The following EMP1 variants were observed in gnomAD, a reference collection of about 807,000 sequenced individuals.
The protein encoded by EMP1 is tumor-associated membrane protein.
In EMP1, 5 loss-of-function variants were observed where a neutral mutation model predicts 15.7. The ratio of observed to expected loss-of-function variants is 0.32; its 90% CI spans 0.17 to 0.67. The LOEUF (loss-of-function observed/expected upper bound fraction) is 0.67. EMP1 is among the 30% of genes least tolerant of loss of function. The pLI, the probability that EMP1 is intolerant of heterozygous loss-of-function variation, is 0.74. For synonymous variants in EMP1, 78 were observed against 76.7 expected, an observed-to-expected ratio of 1.02 and a Z score of -0.09; for missense variants, 166 against 194.2, an observed-to-expected ratio of 0.85 and a Z score of 0.86.
intron 1 of EMP1, among the ~76,000 whole-genome samples, chr12:13,208,382 G>A (rs10845715): frequency 0.26 from 39,747 of 152,016 alleles, 5,427 homozygotes; most frequent in Non-Finnish European, 0.31. Context: ...CTCAGTGATC[G>A]CCTCCTCCCA....
At position 13,216,159 on chromosome 12, in the gene EMP1, A is replaced by T. The variant is rs1041015186; in HGVS notation, c.*1468A>T. The T allele has an allele frequency of 2.0e-6, 1 of 500,046 alleles. No homozygotes were observed. The highest frequency in any genetic ancestry group is 3.6e-6 in the Non-Finnish European group (1 of 280,874). The allele number at this position is 500,046 out of a possible 1,614,324, so 31.0% of individuals were successfully genotyped here. ...TTAAGCCATCTCAGATTCTGTCTAA[A>T]GGGGTTTTTTGGGAAGACGTTTTCT... On this transcript the variant is annotated 3_prime_UTR_variant, in exon 5 of 5. Transcript: ENST00000256951.
intron 1 of EMP1, among the ~76,000 whole-genome samples, chr12:13,205,673 A>T (rs1591707206): frequency 6.6e-6 from 1 of 152,196 alleles, no homozygotes; most frequent in Non-Finnish European, 1.5e-5. Context: ...CCCTTCAGGG[A>T]CTTAAAATCT....
chr12:13,204,474 T>C (rs1363577882), intron 1 of EMP1, among the ~76,000 whole-genome samples: 1 of 152,196 alleles, frequency 6.6e-6, no homozygotes, highest in East Asian at 1.9e-4. Context: ...GCATCCATTT[T>C]GCCAACCAAA....
Position 13,214,249 on chromosome 12 carries a change from G to A in EMP1, c.317-285G>A, listed in dbSNP as rs557237467. 2.0e-4 allele frequency: 120 copies of A among 594,810 alleles called. No individual in the cohort carries two copies. In the African/African-American group the frequency reaches 2.1e-3, roughly 11 times the overall value. The allele number at this position is 594,810 out of a possible 1,614,324, so 36.8% of individuals were successfully genotyped here. On this transcript the variant is annotated intron_variant, in intron 4 of 4. Coordinates refer to ENST00000256951, the MANE Select transcript of EMP1 (RefSeq NM_001423.3). Reference sequence around the variant, plus strand: ...CTGAGTAGCTTTCCTAGACCCACAAGGGCCAGACAGGACAGCTGGGTGGTA... The same window carrying A: ...CTGAGTAGCTTTCCTAGACCCACAAAGGCCAGACAGGACAGCTGGGTGGTA...
At chr12:13,204,516 C>G (rs1442767944) in intron 1 of EMP1, among the ~76,000 whole-genome samples, 2 of 152,180 alleles carry the variant, frequency 1.3e-5, no homozygotes, top group South Asian at 2.1e-4. Context: ...CACATCAAAA[C>G]CAAACCAACA....
At chr12:13,210,717 T>C (rs926099357) in intron 1 of EMP1, among the ~76,000 whole-genome samples, 3 of 152,226 alleles carry the variant, frequency 2.0e-5, no homozygotes, top group African/African-American at 7.2e-5. Context: ...CATTGAGCTG[T>C]GGAAAATATG....
At chr12:13,199,964 C>CTTTTTT (rs60389913) in intron 1 of EMP1, among the ~76,000 whole-genome samples, 34 of 107,566 alleles carry the variant, frequency 3.2e-4, no homozygotes, top group Middle Eastern at 4.9e-3. Flanking sequence ...TCTTCTTCTT[C>CTTTTTT]TTTTTTTTTT....
chr12:13,213,834 TG>T lies in EMP1; in HGVS notation c.316+16del. On this transcript the variant is annotated intron_variant, in intron 4 of 4. Transcript: ENST00000256951. ...ACACTGGTGTGCTGTGAGTATCTCA[TG>T]GGTAGACTCCAGTTTACACTTTTAA... 1 of 1,613,330 alleles carries T rather than the reference TG, an allele frequency of 6.2e-7. No individual in the cohort carries two copies. The highest frequency in any genetic ancestry group is 8.5e-7 in the Non-Finnish European group (1 of 1,180,020).
intron 1 of EMP1, 89 bp downstream of exon 1, chr12:13,196,961 T>C (rs1050511974): frequency 6.6e-6 from 1 of 152,294 alleles, no homozygotes; most frequent in Non-Finnish European, 1.5e-5. Flanking sequence ...ATCTTAGTTT[T>C]GCTTTTTCTT....
rs1285626506 is a variant in EMP1, at chr12:13,213,492, C to G, written c.92C>G (p.Ser31Cys). ...TTCTGGTTTCAGGTCTGGTTGGTTT[C>G]CAATACGGTAGATGCATCAGTAGGT... ...VSTIANVWLVSNTVDASVGLW... is the reference protein window; with the variant it reads ...VSTIANVWLVCNTVDASVGLW... The change falls in exon 3 of 5, where the codon TCC (serine) becomes TGC (cysteine). Residue 31 changes from serine to cysteine, a missense_variant. By Grantham distance (112) the Ser-to-Cys change is moderately radical (BLOSUM62 -1). Transcript: ENST00000256951. The G allele has an allele frequency of 6.2e-7, 1 of 1,614,172 alleles. No homozygotes were observed. Among genetic ancestry groups the G allele is most frequent in the Non-Finnish European group, 8.5e-7 (1 of 1,180,022 alleles).
chr12:13,201,399 C>A (rs1425100379), intron 1 of EMP1, among the ~76,000 whole-genome samples: 2 of 151,092 alleles, frequency 1.3e-5, no homozygotes, highest in East Asian at 2.0e-4. Flanking sequence ...TGAAACAACA[C>A]CCTGTCTCAA....
At chr12:13,213,866 T>G (rs866257560) in intron 4 of EMP1, 45 bp downstream of exon 4, 1 of 1,609,122 alleles carries the variant, frequency 6.2e-7, no homozygotes, top group East Asian at 2.2e-5. Context: ...TTTAAGTCCA[T>G]CTTACCATGG....
In EMP1 at chr12:13,219,419, G is replaced by C. The variant is rs180726657; in HGVS notation, c.*4728G>C. 6.6e-6 allele frequency: 1 copy of C among 152,264 alleles called. No homozygotes were observed. The highest frequency in any genetic ancestry group is 1.9e-4 in the East Asian group (1 of 5,188). 9.4% of individuals were successfully genotyped at this position (152,264 alleles called of 1,614,324 possible). On this transcript the variant is annotated 3_prime_UTR_variant, in exon 5 of 5. Coordinates refer to ENST00000256951, the MANE Select transcript of EMP1 (RefSeq NM_001423.3). ...TTAAAACCATTCAACAAGTCTCCAG[G>C]AAGCTCCAAACTTTCCTTCATCTTC...
At chr12:13,199,930 C>T in intron 1 of EMP1, among the ~76,000 whole-genome samples, 1 of 150,078 alleles carries the variant, frequency 6.7e-6, no homozygotes, top group East Asian at 2.0e-4. Flanking sequence ...GATGGATCTA[C>T]ATTGCATTAT....
intron 1 of EMP1, among the ~76,000 whole-genome samples, chr12:13,204,325 A>C (rs1272962663): frequency 6.6e-6 from 1 of 152,152 alleles, no homozygotes; most frequent in Non-Finnish European, 1.5e-5. Flanking sequence ...TAAAACAACA[A>C]TAACAGTGGC....
intron 1 of EMP1, among the ~76,000 whole-genome samples, chr12:13,205,852 A>G (rs1442727289): frequency 6.6e-6 from 1 of 152,248 alleles, no homozygotes; most frequent in Non-Finnish European, 1.5e-5. Flanking sequence ...AGAATACAAA[A>G]GCAGAGCTTT....
rs1337014573 is a variant in EMP1, at chr12:13,196,748, A to G, written c.-167A>G. 1 of 152,128 alleles carries G rather than the reference A, an allele frequency of 6.6e-6. No individual in the cohort carries two copies. 9.4% of individuals were successfully genotyped at this position (152,128 alleles called of 1,614,324 possible). Reference sequence around the variant, plus strand: ...ATTACACACCCCAGTACACCAGCAGAGGAAACTTATAACCTCGGGAGGCAG... The same window carrying G: ...ATTACACACCCCAGTACACCAGCAGGGGAAACTTATAACCTCGGGAGGCAG... On this transcript the variant is annotated 5_prime_UTR_variant, in exon 1 of 5. Transcript: ENST00000256951.
intron 1 of EMP1, among the ~76,000 whole-genome samples, chr12:13,197,411 A>G (rs937016186): frequency 6.6e-6 from 1 of 151,970 alleles, no homozygotes; most frequent in South Asian, 2.1e-4. Context: ...TTGCTTCCCT[A>G]TTCACTTCTG....
chr12:13,215,805 C>G lies in EMP1; in HGVS notation c.*1114C>G, dbSNP rs1296692191. ...AGGTGAGGCATGGCAATTCTGGAAG[C>G]TGATTAAAACACACATAAACCAAAA... On this transcript the variant is annotated 3_prime_UTR_variant, in exon 5 of 5. Coordinates refer to ENST00000256951, the MANE Select transcript of EMP1 (RefSeq NM_001423.3). 1 of 153,398 alleles carries G rather than the reference C, an allele frequency of 6.5e-6. No homozygotes were observed. The highest frequency in any genetic ancestry group is 1.9e-4 in the East Asian group (1 of 5,196). 9.5% of individuals were successfully genotyped at this position (153,398 alleles called of 1,614,324 possible). A position where few individuals can be genotyped will look rare whatever the true frequency, so the allele number is the denominator to read the frequency against.
Sources: gnomAD v4.1 joint callset for allele counts (sites outside exome capture counted in the v4.1 genomes callset) on GRCh38, gnomAD v4.1.1 for gene constraint, MANE v1.5 for transcripts, NCBI Gene and HGNC (gene_info 2026-07-23, HGNC 2026-07-21) for gene names.